The following LAMC1 variants were observed in gnomAD, a reference collection of about 807,000 sequenced individuals.
LAMC1 encodes laminin subunit gamma-1.
In LAMC1, 38 loss-of-function variants were observed where a neutral mutation model predicts 173.6. The ratio of observed to expected loss-of-function variants is 0.22; its 90% CI spans 0.17 to 0.29. The LOEUF is 0.29. Among genes scored for constraint, LAMC1 ranks in the 10% least tolerant of loss-of-function variants. The pLI is 1.00. For synonymous variants in LAMC1, 746 were observed against 749.1 expected (o/e 1.00, Z 0.07); for missense variants, 1,824 against 2,051.8 (o/e 0.89, Z 2.14).
At chr1:183,062,898 A>T (rs995975039) in intron 1 of LAMC1, among the ~76,000 whole-genome samples, 1 of 152,226 alleles carries the variant, frequency 6.6e-6, no homozygotes, top group African/African-American at 2.4e-5. Flanking sequence ...AGTTGCAGTG[A>T]GTCAGCATCA....
intron 1 of LAMC1, among the ~76,000 whole-genome samples, chr1:183,090,117 T>C (rs1289921574): frequency 5.3e-5 from 8 of 152,212 alleles, no homozygotes; most frequent in African/African-American, 1.9e-4. Flanking sequence ...ATTCCTCTGC[T>C]CAGCTCATTG....
intron 1 of LAMC1, among the ~76,000 whole-genome samples, chr1:183,077,602 G>C (rs10911221): frequency 0.45 from 68,626 of 150,946 alleles, 16,991 homozygotes; most frequent in East Asian, 0.61. Flanking sequence ...ATCTTTCTTA[G>C]GCTTTTGCAT....
chr1:183,081,991 A>T (rs890035874), intron 1 of LAMC1, among the ~76,000 whole-genome samples: 1 of 152,212 alleles, frequency 6.6e-6, no homozygotes, highest in African/African-American at 2.4e-5. Flanking sequence ...GTAATATATT[A>T]TGTAGCCTTT....
intron 1 of LAMC1, among the ~76,000 whole-genome samples, chr1:183,030,906 G>T (rs12037585): frequency 0.5 from 75,740 of 151,956 alleles, 19,588 homozygotes; most frequent in South Asian, 0.64. Flanking sequence ...GATCATTCGA[G>T]CTAAGAAGTT....
rs556979497 is a variant in LAMC1, at chr1:183,067,215, TTGA to T, written c.419-36108_419-36106del. ...TTAAATCTAGGACTTTGTCTAACTA[TTGA>T]TGATTTATTGAGTAGCTCTGGGATT... On this transcript the variant is annotated intron_variant, in intron 1 of 27. Transcript: ENST00000258341. 1.4e-3 allele frequency among the ~76,000 whole-genome samples: 214 copies of T among 152,336 alleles called. 1 individual carries two copies. Among genetic ancestry groups the T allele is most frequent in the African/African-American group, 4.8e-3 (201 of 41,574 alleles).
chr1:183,109,600 G>A (rs1409871628), intron 3 of LAMC1, among the ~76,000 whole-genome samples: 2 of 152,180 alleles, frequency 1.3e-5, no homozygotes, highest in East Asian at 1.9e-4. Context: ...TTGTGCAGCA[G>A]TCAAGGATAA....
Position 183,069,966 on chromosome 1 carries a change from C to T in LAMC1, c.419-33362C>T, listed in dbSNP as rs59590702. ...CACCAAGCCTGAAAAAAGAATGGCC[C>T]GGTTGAATAATTTTAAGTAGTTTGA... is the stretch of plus-strand genomic sequence containing the variant. On this transcript the variant is annotated intron_variant, in intron 1 of 27. Coordinates refer to ENST00000258341, the MANE Select transcript of LAMC1 (RefSeq NM_002293.4). 3.8e-3 allele frequency among the ~76,000 whole-genome samples: 584 copies of T among 152,148 alleles called. 6 individuals carry two copies. The highest frequency in any genetic ancestry group is 0.013 in the African/African-American group (525 of 41,498).
chr1:183,142,233 G>A (rs1441220370), intron 27 of LAMC1, among the ~76,000 whole-genome samples: 1 of 152,178 alleles, frequency 6.6e-6, no homozygotes, highest in African/African-American at 2.4e-5. Context: ...GCCCTCAAAG[G>A]TCTAGAACAT....
intron 1 of LAMC1, among the ~76,000 whole-genome samples, chr1:183,089,449 C>T (rs1394520233): frequency 2.0e-5 from 3 of 152,150 alleles, no homozygotes; most frequent in Non-Finnish European, 4.4e-5. Flanking sequence ...CTCAAGACAC[C>T]TTCACTGAAT....
intron 16 of LAMC1, 135 bp downstream of exon 16, chr1:183,126,397 G>T: frequency 2.5e-6 from 2 of 785,584 alleles, no homozygotes; most frequent in East Asian, 5.3e-5. Flanking sequence ...CATCGTAGAT[G>T]CTTTATTTGA....
rs1016036844 is a variant in LAMC1 at position 183,103,176 on chromosome 1, G to T, written c.419-152G>T. 1.4e-5 allele frequency: 11 copies of T among 780,040 alleles called. No homozygotes were observed. The Admixed American group carries it at 2.2e-4, about 16-fold the overall frequency. 48.3% of individuals were successfully genotyped at this position (780,040 alleles called of 1,614,324 possible). ...AGTTTGTCATTTTGGGGGAAAATAC[G>T]TAGTTTTCTGTTTTAGAATAGCCTG... On this transcript the variant is annotated intron_variant, in intron 1 of 27. Coordinates refer to ENST00000258341, the MANE Select transcript of LAMC1 (RefSeq NM_002293.4).
intron 13 of LAMC1, 75 bp downstream of exon 13, chr1:183,122,326 G>A: frequency 7.2e-7 from 1 of 1,394,356 alleles, no homozygotes; most frequent in Non-Finnish European, 1.0e-6. Flanking sequence ...CTTCGGAGTT[G>A]TTTTGGATCT....
chr1:183,023,936 G>A lies in LAMC1; in HGVS notation c.220G>A (p.Glu74Lys), dbSNP rs140378959. 17 of 1,613,156 alleles carry A rather than the reference G, an allele frequency of 1.1e-5. No individual in the cohort carries two copies. Among genetic ancestry groups the A allele is most frequent in the Non-Finnish European group, 1.4e-5 (17 of 1,179,962 alleles). Residue 74 changes from glutamate to lysine, a missense_variant, in exon 1 of 28, where the codon GAG (glutamate) becomes AAG (lysine). Physicochemically the swap from Glu to Lys is moderately conservative, Grantham distance 56. Coordinates refer to ENST00000258341, the MANE Select transcript of LAMC1 (RefSeq NM_002293.4). Reference sequence around the variant, plus strand: ...CACCAACACGTGTGGGACTCCGCCCGAGGAATACTGTGTGCAGACCGGGGT... The same window carrying A: ...CACCAACACGTGTGGGACTCCGCCCAAGGAATACTGTGTGCAGACCGGGGT... ...VATNTCGTPP[E>K]EYCVQTGVTG...
In LAMC1 at chr1:183,134,806, G is replaced by A. The variant is rs1471360579; in HGVS notation, c.3996G>A (p.Gln1332=). 1.9e-6 allele frequency: 3 copies of A among 1,610,858 alleles called. 1 individual carries two copies. The highest frequency in any genetic ancestry group is 2.7e-5 in the African/African-American group (2 of 74,678). The part of the protein sequence containing the change: ...KNLLEKGKTE[Q]QTADQLLARA... ...TTCTGGAGAAAGGCAAGACTGAACA[G>A]CAGGTTGGTTTGATTTGCAGGTCGC... The change falls in exon 23 of 28, where the codon CAG becomes CAA. Residue 1332 remains glutamine, a synonymous_variant. Coordinates refer to ENST00000258341, the MANE Select transcript of LAMC1 (RefSeq NM_002293.4).
intron 1 of LAMC1, among the ~76,000 whole-genome samples, chr1:183,066,196 T>C (rs555886727): frequency 4.6e-5 from 7 of 152,332 alleles, no homozygotes; most frequent in East Asian, 3.9e-4. Context: ...TTCTCAACTT[T>C]AGAGTTCTTT....
intron 18 of LAMC1, among the ~76,000 whole-genome samples, chr1:183,129,950 G>T (rs1656736341): frequency 6.6e-6 from 1 of 152,050 alleles, no homozygotes; most frequent in African/African-American, 2.4e-5. Context: ...AAAATGTTCG[G>T]CTTTTAGGGC....
chr1:183,079,463 C>T (rs563747343), intron 1 of LAMC1, among the ~76,000 whole-genome samples: 83 of 151,628 alleles, frequency 5.5e-4, no homozygotes, highest in Admixed American at 1.4e-3. Context: ...ACTATGTTGG[C>T]TAGGCTGGTC....
rs556741154 is a variant in LAMC1 at position 183,047,974 on chromosome 1, A to G, written c.418+23840A>G. Among the ~76,000 whole-genome samples, 7 of 152,252 alleles carry G rather than the reference A, an allele frequency of 4.6e-5. No homozygotes were observed. In the East Asian group the frequency reaches 7.7e-4, roughly 17 times the overall value. ...CCGAGAGTTAGTTCACCAATTCGGA[A>G]GGCCCCATCTCTGCCAACGCTGCCT... is the stretch of plus-strand genomic sequence containing the variant. On this transcript the variant is annotated intron_variant, in intron 1 of 27. Coordinates refer to ENST00000258341, the MANE Select transcript of LAMC1 (RefSeq NM_002293.4).
chr1:183,030,394 A>G (rs1653819358), intron 1 of LAMC1, among the ~76,000 whole-genome samples: 1 of 152,232 alleles, frequency 6.6e-6, no homozygotes, highest in South Asian at 2.1e-4. Context: ...GGCTGGAGGC[A>G]TTCTGTCTCC....
Sources: gnomAD v4.1 joint callset for allele counts (sites outside exome capture counted in the v4.1 genomes callset) on GRCh38, gnomAD v4.1.1 for gene constraint, MANE v1.5 for transcripts, NCBI Gene and HGNC (gene_info 2026-07-23, HGNC 2026-07-21) for gene names.